Variants in CCDC88B observed in about 807,000 individuals in gnomAD.
CCDC88B encodes coiled-coil and HOOK domain protein 88B.
Under a neutral mutation model 183.7 loss-of-function variants are expected in CCDC88B, and 138 were observed. The observed-to-expected ratio is 0.75, with a 90% CI of 0.65 to 0.87. The LOEUF is 0.87. CCDC88B is among the 40% of genes least tolerant of loss of function. CCDC88B has a pLI of 0.00. For synonymous variants in CCDC88B, 835 were observed against 867.5 expected (o/e 0.96, Z 0.66); for missense variants, 1,822 against 1,965.6 (o/e 0.93, Z 1.38).
Position 64,355,544 on chromosome 11 carries a change from G to T in CCDC88B, c.4307-16G>T, listed in dbSNP as rs759763812. ...CGCACTGGCCCTGGGCCCAGTGGTT[G>T]CCTTGTGCCTCCCAGGACCTGGTGT... On this transcript the variant is annotated splice_polypyrimidine_tract_variant and intron_variant, in intron 25 of 26. Transcript: ENST00000356786. 4 of 1,612,820 alleles carry T rather than the reference G, an allele frequency of 2.5e-6. No homozygotes were observed. Among genetic ancestry groups the T allele is most frequent in the South Asian group, 1.1e-5 (1 of 90,864 alleles).
Position 64,355,275 on chromosome 11 carries a change from G to C in CCDC88B, c.4181G>C (p.Arg1394Pro). The C allele has an allele frequency of 1.3e-6, 2 of 1,583,766 alleles. No individual in the cohort carries two copies. Among genetic ancestry groups the C allele is most frequent in the Admixed American group, 1.8e-5 (1 of 55,074 alleles). ...GAGACCTTGGCAGGCGGGCAGCGGC[G>C]GAAACTCAGCTCAAGGTTCCCGGTG... ...RDETLAGGQRRKLSSRFPVGR... is the reference protein window; with the variant it reads ...RDETLAGGQRPKLSSRFPVGR... Residue 1394 changes from arginine (R) to proline (P), a missense_variant, in exon 25 of 27, where the codon CGG (arginine) becomes CCG (proline). Coordinates refer to ENST00000356786, the MANE Select transcript of CCDC88B (RefSeq NM_032251.6).
At position 64,355,315 on chromosome 11, in the gene CCDC88B, G is replaced by C. The variant is rs2036511748; in HGVS notation, c.4221G>C (p.Glu1407Asp). The change falls in exon 25 of 27, where the codon GAG (glutamate) becomes GAC (aspartate). Residue 1407 changes from glutamate to aspartate, a missense_variant. Glu to Asp is a conservative substitution (Grantham distance 45). Coordinates refer to ENST00000356786, the MANE Select transcript of CCDC88B (RefSeq NM_032251.6). ...SSRFPVGRSS[E>D]SFSPGDTPRQ... ...GGTTCCCGGTGGGGCGAAGCTCTGA[G>C]TCATTCAGCCCTGGGGACACCCCTA... 6.3e-7 allele frequency: 1 copy of C among 1,595,970 alleles called. No homozygotes were observed. Among genetic ancestry groups the C allele is most frequent in the Non-Finnish European group, 8.5e-7 (1 of 1,172,090 alleles).
chr11:64,355,122 T>A, intron 24 of CCDC88B, 72 bp from the exon 25 acceptor site: 1 of 804,310 alleles, frequency 1.2e-6, no homozygotes, highest in Non-Finnish European at 1.5e-6. Context: ...CCCCATTCTC[T>A]GACCTCCTCC....
Position 64,340,608 on chromosome 11 carries a change from C to G in CCDC88B, c.62C>G (p.Ala21Gly), listed in dbSNP as rs760866032. The G allele has an allele frequency of 2.5e-6, 4 of 1,607,152 alleles. No individual in the cohort carries two copies. The highest frequency in any genetic ancestry group is 3.3e-5 in the Admixed American group (2 of 59,778). The change falls in exon 2 of 27, where the codon GCG becomes GGG. Residue 21 changes from alanine to glycine, a missense_variant and splice_region_variant. Transcript: ENST00000356786. ...CTGACCCCTCTGGGCTCCTCACAGG[C>G]GCTGGGACTGGCCGGGCTGGTCGGG... is the stretch of plus-strand genomic sequence containing the variant. Reference protein sequence around the residue: ...DFLSGSLATWALGLAGLVGEA... With the variant: ...DFLSGSLATWGLGLAGLVGEA...
rs951626442 is a variant in CCDC88B at position 64,357,374 on chromosome 11, T to TC, written c.*285dup. On this transcript the variant is annotated 3_prime_UTR_variant, in exon 27 of 27. Transcript: ENST00000356786. ...CGCTGAGGCAGCGGTCTCTGGGGGA[T>TC]CCCCCAGCTGAAGGAGGCTGGCAGG... 2.8e-6 allele frequency: 2 copies of TC among 717,304 alleles called. No homozygotes were observed. Among genetic ancestry groups the TC allele is most frequent in the African/African-American group, 3.5e-5 (2 of 57,182 alleles). 44.4% of individuals were successfully genotyped at this position (717,304 alleles called of 1,614,324 possible). A position where few individuals can be genotyped will look rare whatever the true frequency, so the allele number is the denominator to read the frequency against.
At chr11:64,352,454 C>T in intron 19 of CCDC88B, 68 bp downstream of exon 19, 1 of 1,470,990 alleles carries the variant, frequency 6.8e-7, no homozygotes, top group Non-Finnish European at 9.0e-7. Context: ...CTCCCCTCAG[C>T]AGGTCTGACT....
At chr11:64,341,041 C>CGGAGACAGGA in intron 3 of CCDC88B, 23 bp downstream of exon 3, 1 of 1,612,690 alleles carries the variant, frequency 6.2e-7, no homozygotes, top group Non-Finnish European at 8.5e-7. Context: ...GAGGGAAAGG[C>CGGAGACAGGA]GGAGACAGGA....
chr11:64,354,906 C>T (rs1185672652), intron 24 of CCDC88B, among the ~76,000 whole-genome samples: 1 of 77,168 alleles, frequency 1.3e-5, no homozygotes, highest in East Asian at 4.3e-4. Context: ...CTTCCCTTCT[C>T]TGACCTCCTC....
At chr11:64,346,149 C>T (rs915120565) in intron 14 of CCDC88B, among the ~76,000 whole-genome samples, 3 of 152,196 alleles carry the variant, frequency 2.0e-5, no homozygotes, top group African/African-American at 7.2e-5. Flanking sequence ...TGGGGCTGCG[C>T]TTGAGGAGGG....
chr11:64,351,802 C>T (rs1377248930), intron 18 of CCDC88B, among the ~76,000 whole-genome samples, 186 bp downstream of exon 18: 2 of 151,058 alleles, frequency 1.3e-5, no homozygotes, highest in South Asian at 2.1e-4. Flanking sequence ...ACTATCTCCT[C>T]CTACCTGCCG....
In CCDC88B at chr11:64,344,613, G is replaced by A. The variant is rs767796204; in HGVS notation, c.2072G>A (p.Arg691Lys). Residue 691 changes from arginine (R) to lysine (K), a missense_variant, in exon 14 of 27, where the codon AGG becomes AAG. Coordinates refer to ENST00000356786, the MANE Select transcript of CCDC88B (RefSeq NM_032251.6). This position sits in a 1 kb window ranked among gnomAD's most constrained non-coding sequence, Gnocchi z 4.5. ...EHDQRLEGTV[R>K]DPAWQKPQQK... ...GACCAGAGGCTGGAAGGGACGGTCA[G>A]GGACCCAGCCTGGCAAAAACCACAG... 6.2e-6 allele frequency: 10 copies of A among 1,612,622 alleles called. 1 individual carries two copies. Among genetic ancestry groups the A allele is most frequent in the Non-Finnish European group, 8.5e-6 (10 of 1,179,388 alleles).
chr11:64,356,698 C>T (rs879916388), intron 26 of CCDC88B: 6 of 378,016 alleles, frequency 1.6e-5, no homozygotes, highest in South Asian at 7.0e-5. Flanking sequence ...CATCAGGAGG[C>T]GCTAATGCTC....
chr11:64,344,832 G>A lies in CCDC88B; in HGVS notation c.2291G>A (p.Arg764His), dbSNP rs763906541. Residue 764 changes from arginine (R) to histidine (H), a missense_variant, in exon 14 of 27, where the codon CGC becomes CAC. Arg to His is a conservative substitution (Grantham distance 29, BLOSUM62 0). Coordinates refer to ENST00000356786, the MANE Select transcript of CCDC88B (RefSeq NM_032251.6). This position sits in a 1 kb window ranked among gnomAD's most constrained non-coding sequence, Gnocchi z 4.5. ...GAGGCCCAAAACACGGAGGCTGCCC[G>A]CCTCTCCAAGGAGCTGGCCCAAGCG... ...KLEAQNTEAA[R>H]LSKELAQARR... The A allele has an allele frequency of 7.4e-6, 12 of 1,611,968 alleles. No individual in the cohort carries two copies. Among genetic ancestry groups the A allele is most frequent in the South Asian group, 3.3e-5 (3 of 90,910 alleles).
At position 64,353,402 on chromosome 11, in the gene CCDC88B, G is replaced by A; in HGVS notation, c.3739G>A (p.Ala1247Thr). Residue 1247 changes from alanine to threonine, a missense_variant, in exon 22 of 27, where the codon GCT becomes ACT. Physicochemically the swap from Ala to Thr is moderately conservative, Grantham distance 58. Coordinates refer to ENST00000356786, the MANE Select transcript of CCDC88B (RefSeq NM_032251.6). ...AQEEENRQLL[A>T]EVQALSRENR... is the part of the protein sequence containing the mutation. ...GGAAGAGGAGAACCGGCAGCTGCTG[G>A]CTGAAGTTCAGGCCCTGAGCCGGGA... 1.2e-6 allele frequency: 2 copies of A among 1,613,520 alleles called. No individual in the cohort carries two copies. The highest frequency in any genetic ancestry group is 1.3e-5 in the African/African-American group (1 of 75,050).
chr11:64,353,567 G>T, intron 22 of CCDC88B, 71 bp downstream of exon 22: 1 of 1,582,656 alleles, frequency 6.3e-7, no homozygotes, highest in Non-Finnish European at 8.6e-7. Context: ...AGCCCTTAGT[G>T]AGGGCCTAGG....
At chr11:64,356,966 G>A in intron 26 of CCDC88B, 73 bp from the exon 27 acceptor site, 2 of 1,469,430 alleles carry the variant, frequency 1.4e-6, no homozygotes, top group African/African-American at 1.4e-5. Flanking sequence ...GAAGGTGCTC[G>A]AGCCTGTGGG....
Position 64,352,809 on chromosome 11 carries a change from G to T in CCDC88B, c.3422G>T (p.Arg1141Leu), listed in dbSNP as rs750012401. Residue 1141 changes from arginine (R) to leucine (L), a missense_variant, in exon 20 of 27, where the codon CGT (arginine) becomes CTT (leucine). Physicochemically the swap from Arg to Leu is moderately radical, Grantham distance 102 (BLOSUM62 -2). Coordinates refer to ENST00000356786, the MANE Select transcript of CCDC88B (RefSeq NM_032251.6). ...CAGGAGGTGGCCCTGCTGGCAGAGC[G>T]TGAACGCCTGATGCAAGATGGGCAT... ...EAQEVALLAE[R>L]ERLMQDGHRQ... 3 of 1,613,092 alleles carry T rather than the reference G, an allele frequency of 1.9e-6. No homozygotes were observed. The East Asian group carries it at 6.7e-5, about 36-fold the overall frequency.
rs748847029 is a variant in CCDC88B, at chr11:64,355,379, G to A, written c.4285G>A (p.Ala1429Thr). Residue 1429 changes from alanine to threonine, a missense_variant, in exon 25 of 27, where the codon GCG becomes ACG. Coordinates refer to ENST00000356786, the MANE Select transcript of CCDC88B (RefSeq NM_032251.6). ...FRQRHPGPLGAPVSHSKGPGV... is the reference protein window; with the variant it reads ...FRQRHPGPLGTPVSHSKGPGV... ...ACAGCGCCATCCAGGCCCCCTGGGG[G>A]CGCCCGTCTCCCACAGCAAAGGTGA... is the stretch of plus-strand genomic sequence containing the variant. 1.9e-6 allele frequency: 3 copies of A among 1,589,276 alleles called. No homozygotes were observed. Among genetic ancestry groups the A allele is most frequent in the African/African-American group, 2.7e-5 (2 of 74,290 alleles).
chr11:64,342,007 T>C lies in CCDC88B; in HGVS notation c.689T>C (p.Leu230Pro), dbSNP rs554328294. 1 of 1,612,468 alleles carries C rather than the reference T, an allele frequency of 6.2e-7. No homozygotes were observed. Among genetic ancestry groups the C allele is most frequent in the South Asian group, 1.1e-5 (1 of 91,058 alleles). The stretch of plus-strand genomic sequence containing the variant: ...CCTGACCTACAGCGGCTGGCTGAAC[T>C]GCTGCTGGAGCGAGAACCCCTCTGC... ...RDLGAQRLAE[L>P]LLEREPLCLR... Residue 230 changes from leucine (L) to proline (P), a missense_variant, in exon 8 of 27, where the codon CTG (leucine) becomes CCG (proline). By Grantham distance (98) the Leu-to-Pro change is moderately conservative. Coordinates refer to ENST00000356786, the MANE Select transcript of CCDC88B (RefSeq NM_032251.6).
Sources: allele counts gnomAD v4.1 joint callset (sites outside exome capture counted in the v4.1 genomes callset), GRCh38; gene constraint gnomAD v4.1.1; non-coding constraint Gnocchi (gnomAD v3.1); transcripts MANE v1.5; gene names NCBI Gene and HGNC (gene_info 2026-07-23, HGNC 2026-07-21).